The following UBIAD1 variants were observed in gnomAD, a reference collection of about 807,000 sequenced individuals.
The protein encoded by UBIAD1 is UbiA prenyltransferase domain containing 1.
UBIAD1 carries 12 observed loss-of-function variants against 20.1 expected under a neutral mutation model. The ratio of observed to expected loss-of-function variants is 0.60; its 90% confidence interval spans 0.38 to 0.97. UBIAD1 has a LOEUF of 0.97. Among genes scored for constraint, UBIAD1 ranks in the 50% least tolerant of loss-of-function variants. UBIAD1 has a pLI of 0.00. For synonymous variants in UBIAD1, 207 were observed against 189.2 expected (o/e 1.09, Z -0.77); for missense variants, 333 against 419.5 (o/e 0.79, Z 1.80).
downstream of UBIAD1, among the ~76,000 whole-genome samples, chr1:11,288,861 A>G (rs931522514): frequency 3.3e-5 from 5 of 152,072 alleles, no homozygotes; most frequent in South Asian, 6.2e-4. Flanking sequence ...GCAGTGAGGT[A>G]TGATCACGCC....
At chr1:11,277,703 A>G (rs1262956950) in intron 1 of UBIAD1, among the ~76,000 whole-genome samples, 1 of 152,142 alleles carries the variant, frequency 6.6e-6, no homozygotes, top group Non-Finnish European at 1.5e-5. Context: ...GCTGGAGTAC[A>G]ATGGCACGAT....
At chr1:11,278,638 T>G in intron 1 of UBIAD1, 1 of 1,473,386 alleles carries the variant, frequency 6.8e-7, no homozygotes, top group South Asian at 1.4e-5. Flanking sequence ...GTCCTTCCAG[T>G]GGCTGTGGAA....
In UBIAD1 at chr1:11,273,482, C is replaced by G. The variant is rs912361132; in HGVS notation, c.-50C>G. ...CCGTCCTTCCTCCTTCCCGGGCGGT[C>G]ACTGTGCGTGGCTCACTTTTAGAGT... is the stretch of plus-strand genomic sequence containing the variant. On this transcript the variant is annotated 5_prime_UTR_variant, in exon 1 of 2. Coordinates refer to ENST00000376810, the MANE Select transcript of UBIAD1 (RefSeq NM_013319.3). The surrounding 1 kb of genome is among the most constrained non-coding windows in gnomAD (Gnocchi z 4.9). The G allele has an allele frequency of 1.2e-6, 2 of 1,607,328 alleles. No homozygotes were observed. Among genetic ancestry groups the G allele is most frequent in the African/African-American group, 1.3e-5 (1 of 74,866 alleles).
At chr1:11,284,572 T>C (rs2788543) in intron 1 of UBIAD1, among the ~76,000 whole-genome samples, 67,407 of 152,090 alleles carry the variant, frequency 0.44, 19,726 homozygotes, top group African/African-American at 0.84. Context: ...TCAAGCATTT[T>C]CCCTGCCTCA....
At chr1:11,288,919 AAAAC>A (rs1015751867), downstream of UBIAD1, among the ~76,000 whole-genome samples, 4 of 152,102 alleles carry the variant, frequency 2.6e-5, no homozygotes, top group Admixed American at 1.3e-4. Context: ...CTCAAAAAAA[AAAAC>A]AAAACAAAAA....
chr1:11,274,473 A>T (rs1651926610), intron 1 of UBIAD1, among the ~76,000 whole-genome samples: 1 of 150,884 alleles, frequency 6.6e-6, no homozygotes, highest in Non-Finnish European at 1.5e-5. Flanking sequence ...TGATTTTTGT[A>T]TTTTTATTAG....
chr1:11,297,892 A>T (rs1638472432), downstream of UBIAD1, among the ~76,000 whole-genome samples: 1 of 152,164 alleles, frequency 6.6e-6, no homozygotes, highest in Admixed American at 6.6e-5. Flanking sequence ...AAGGGAAGAA[A>T]ACTGGAAAAC....
intron 1 of UBIAD1, among the ~76,000 whole-genome samples, chr1:11,278,447 A>G (rs988071997): frequency 1.6e-4 from 24 of 152,218 alleles, no homozygotes; most frequent in African/African-American, 5.5e-4. Flanking sequence ...TGAAAACATA[A>G]TGGGTGTACA....
At chr1:11,288,853 A>G (rs1253961217), downstream of UBIAD1, among the ~76,000 whole-genome samples, 2 of 152,122 alleles carry the variant, frequency 1.3e-5, no homozygotes, top group Non-Finnish European at 2.9e-5. Flanking sequence ...TCGAGGCTGC[A>G]GTGAGGTATG....
chr1:11,279,768 G>A (rs1398814802), intron 1 of UBIAD1, among the ~76,000 whole-genome samples: 1 of 152,212 alleles, frequency 6.6e-6, no homozygotes, highest in Non-Finnish European at 1.5e-5. Flanking sequence ...TGTCAAATGG[G>A]TAGTTCAAGT....
At chr1:11,295,009 A>T (rs1376172250) in exon 2 of UBIAD1, 1 of 712,306 alleles carries the variant, frequency 1.4e-6, no homozygotes, top group East Asian at 2.7e-5. Flanking sequence ...GAGGGAAGTG[A>T]GCCCCTTCCT....
At position 11,285,661 on chromosome 1, in the gene UBIAD1, G is replaced by A. The variant is rs749579209; in HGVS notation, c.547G>A (p.Val183Met). 19 of 1,613,978 alleles carry A rather than the reference G, an allele frequency of 1.2e-5. No individual in the cohort carries two copies. The highest frequency in any genetic ancestry group is 1.7e-5 in the Admixed American group (1 of 59,980). The change falls in exon 2 of 2, where the codon GTG (valine) becomes ATG (methionine). Residue 183 changes from valine (V) to methionine (M), a missense_variant. This residue lies in a region of UBIAD1 where 226 missense variants were observed against 263.5 expected (regional missense o/e 0.86). Coordinates refer to ENST00000376810, the MANE Select transcript of UBIAD1 (RefSeq NM_013319.3). The surrounding 1 kb of genome is among the most constrained non-coding windows in gnomAD (Gnocchi z 4.4). ...GGCCGCAGGAATTGGATTCAAGTAC[G>A]TGGCTCTGGGAGACCTCATCATCCT... is the stretch of plus-strand genomic sequence containing the variant. ...LYTGGIGFKY[V>M]ALGDLIILIT... is the part of the protein sequence containing the mutation.
chr1:11,286,190 A>T lies in UBIAD1; in HGVS notation c.*59A>T. Reference sequence around the variant, plus strand: ...CTTTCTTAGAATATATTAAAGTCAGAGTCTCTGAGGAAGGAATGTGATTTG... The same window carrying T: ...CTTTCTTAGAATATATTAAAGTCAGTGTCTCTGAGGAAGGAATGTGATTTG... On this transcript the variant is annotated 3_prime_UTR_variant, in exon 2 of 2. Coordinates refer to ENST00000376810, the MANE Select transcript of UBIAD1 (RefSeq NM_013319.3). 1.2e-6 allele frequency: 2 copies of T among 1,609,444 alleles called. No individual in the cohort carries two copies. The highest frequency in any genetic ancestry group is 1.7e-6 in the Non-Finnish European group (2 of 1,177,166).
chr1:11,289,546 A>C (rs756135094), downstream of UBIAD1, among the ~76,000 whole-genome samples: 3 of 151,984 alleles, frequency 2.0e-5, no homozygotes, highest in Non-Finnish European at 4.4e-5. Flanking sequence ...GGAATCTGAC[A>C]TCACTTGTCT....
downstream of UBIAD1, chr1:11,295,194 G>C (rs984161366): frequency 2.3e-6 from 1 of 427,742 alleles, no homozygotes; most frequent in Non-Finnish European, 4.3e-6. Context: ...CTGGGTATCA[G>C]GAAGGCTTCC....
At chr1:11,274,470 TG>T (rs1651926455) in intron 1 of UBIAD1, among the ~76,000 whole-genome samples, 1 of 151,560 alleles carries the variant, frequency 6.6e-6, no homozygotes, top group Admixed American at 6.6e-5. Flanking sequence ...GGCTGATTTT[TG>T]TATTTTTATT....
At chr1:11,278,747 C>G in intron 1 of UBIAD1, 1 of 630,184 alleles carries the variant, frequency 1.6e-6, no homozygotes, top group Non-Finnish European at 2.7e-6. Flanking sequence ...TGGTGTGCTG[C>G]GGTCATCCAC....
intron 1 of UBIAD1, among the ~76,000 whole-genome samples, chr1:11,277,117 G>T (rs1652062496): frequency 6.6e-6 from 1 of 151,852 alleles, no homozygotes; most frequent in Admixed American, 6.6e-5. Context: ...CATGCCTGTA[G>T]TCCCAGCTAC....
rs532138862 is a variant in UBIAD1 at position 11,288,354 on chromosome 1, C to T, written c.*2223C>T. 1 of 152,288 alleles carries T rather than the reference C, an allele frequency of 6.6e-6. No homozygotes were observed. Among genetic ancestry groups the T allele is most frequent in the East Asian group, 1.9e-4 (1 of 5,188 alleles). The allele number at this position is 152,288 out of a possible 1,614,324, so 9.4% of individuals were successfully genotyped here. ...TTGCCAGGTTTTATACGCAGGTCAC[C>T]ATAATTTGTATTATGTTCCCTGAGT... On this transcript the variant is annotated 3_prime_UTR_variant, in exon 2 of 2. Transcript: ENST00000376810.
Sources: allele counts gnomAD v4.1 joint callset (sites outside exome capture counted in the v4.1 genomes callset), GRCh38; gene constraint gnomAD v4.1.1; regional missense constraint gnomAD v4.1.1; non-coding constraint Gnocchi (gnomAD v3.1); transcripts MANE v1.5; gene names NCBI Gene and HGNC (gene_info 2026-07-23, HGNC 2026-07-21).